CDC5L: variants seen among roughly 807,000 people sequenced by gnomAD.
CDC5L encodes the protein cell division cycle 5 like, also known as cell division cycle 5-like protein.
In CDC5L, 18 loss-of-function variants were observed where a neutral mutation model predicts 104.1. The ratio of observed to expected loss-of-function variants is 0.17; its 90% CI spans 0.12 to 0.26. The LOEUF is 0.26. CDC5L is among the 10% of genes least tolerant of loss of function. The probability of loss-of-function intolerance (pLI) is 1.00; values close to 1 mark genes in which losing one functional copy is unlikely to be tolerated. For synonymous variants in CDC5L, 331 were observed against 322.7 expected, an observed-to-expected ratio of 1.03 and a Z score of -0.28; for missense variants, 673 against 956.9, an observed-to-expected ratio of 0.70 and a Z score of 3.91.
intron 14 of CDC5L, 136 bp downstream of exon 14, chr6:44,430,046 C>T (rs954949999): frequency 9.3e-6 from 6 of 643,824 alleles, no homozygotes; most frequent in Non-Finnish European, 1.6e-5. Context: ...GAAAACTACA[C>T]TTAAGTGTTG....
chr6:44,448,360 C>T lies in CDC5L; in HGVS notation c.*1649C>T, dbSNP rs1793527983. The stretch of plus-strand genomic sequence containing the variant: ...ATATGATAAGAATCGATGAGAAGAT[C>T]TAAGCAAAGGAATGACATGATCAGA... On this transcript the variant is annotated 3_prime_UTR_variant, in exon 16 of 16. Transcript: ENST00000371477. The T allele has an allele frequency of 6.6e-6, 1 of 152,162 alleles. No individual in the cohort carries two copies. Among genetic ancestry groups the T allele is most frequent in the African/African-American group, 2.4e-5 (1 of 41,440 alleles). The allele number at this position is 152,162 out of a possible 1,614,324, so 9.4% of individuals were successfully genotyped here. A position where few individuals can be genotyped will look rare whatever the true frequency, so the allele number is the denominator to read the frequency against.
chr6:44,398,179 G>A (rs931190281), intron 5 of CDC5L, among the ~76,000 whole-genome samples: 3 of 152,116 alleles, frequency 2.0e-5, no homozygotes, highest in Admixed American at 6.5e-5. Flanking sequence ...TTAGCTGCCG[G>A]GGACAGTAAA....
At chr6:44,405,056 A>C (rs147889503) in intron 6 of CDC5L, among the ~76,000 whole-genome samples, 1 of 152,298 alleles carries the variant, frequency 6.6e-6, no homozygotes, top group East Asian at 1.9e-4. Flanking sequence ...TAAAAGAAAA[A>C]ACTTACTGAT....
At chr6:44,420,530 G>A (rs957076876) in intron 9 of CDC5L, among the ~76,000 whole-genome samples, 1 of 151,788 alleles carries the variant, frequency 6.6e-6, no homozygotes, top group African/African-American at 2.4e-5. Flanking sequence ...GGCTAATTTT[G>A]TATTTTTAGT....
intron 14 of CDC5L, among the ~76,000 whole-genome samples, chr6:44,440,069 G>T (rs1793110260): frequency 6.6e-6 from 1 of 152,070 alleles, no homozygotes; most frequent in Non-Finnish European, 1.5e-5. Flanking sequence ...TGAATTTATT[G>T]TTCAAGTAAA....
rs1445784961 is a variant in CDC5L at position 44,408,638 on chromosome 6, G to A, written c.1092+6G>A. ...CCCAGGACAGAATTCTGCAGGTAAC[G>A]TGTCACGTAGTAGAATGAGGCTTTT... On this transcript the variant is annotated splice_donor_region_variant and intron_variant, in intron 8 of 15. Coordinates refer to ENST00000371477, the MANE Select transcript of CDC5L (RefSeq NM_001253.4). The A allele has an allele frequency of 1.3e-6, 2 of 1,577,982 alleles. No homozygotes were observed. The highest frequency in any genetic ancestry group is 1.7e-6 in the Non-Finnish European group (2 of 1,155,190).
At chr6:44,414,380 G>A in intron 8 of CDC5L, among the ~76,000 whole-genome samples, 1 of 128,496 alleles carries the variant, frequency 7.8e-6, no homozygotes, top group African/African-American at 3.0e-5. Context: ...GCCTGGCCTG[G>A]CCTGTGTGTG....
intron 14 of CDC5L, among the ~76,000 whole-genome samples, chr6:44,439,996 A>C (rs989736189): frequency 7.2e-5 from 11 of 152,144 alleles, no homozygotes; most frequent in Admixed American, 4.6e-4. Context: ...ACATATAATC[A>C]TTGCCATGGA....
chr6:44,394,066 T>A (rs560315884), intron 4 of CDC5L, among the ~76,000 whole-genome samples: 1 of 152,294 alleles, frequency 6.6e-6, no homozygotes, highest in East Asian at 1.9e-4. Flanking sequence ...CGCCCCTTCA[T>A]CTTCTGTTTC....
At chr6:44,402,142 T>C (rs1474098708) in intron 5 of CDC5L, among the ~76,000 whole-genome samples, 8 of 144,548 alleles carry the variant, frequency 5.5e-5, no homozygotes, top group African/African-American at 2.1e-4. Context: ...TATAGCAGCA[T>C]GATTTATAGT....
chr6:44,446,340 G>A (rs965579648), intron 15 of CDC5L, among the ~76,000 whole-genome samples: 2 of 152,316 alleles, frequency 1.3e-5, no homozygotes, highest in East Asian at 1.9e-4. Context: ...GGCAGTCAGG[G>A]CTTCTTGAAG....
At chr6:44,408,308 C>G (rs1204259467) in intron 7 of CDC5L, 136 bp from the exon 8 acceptor site, 1 of 474,236 alleles carries the variant, frequency 2.1e-6, no homozygotes, top group African/African-American at 2.0e-5. Flanking sequence ...TGCTGTGTTG[C>G]CCAGGTAGGT....
At chr6:44,417,386 T>C (rs1791956200) in intron 8 of CDC5L, among the ~76,000 whole-genome samples, 1 of 152,108 alleles carries the variant, frequency 6.6e-6, no homozygotes, top group African/African-American at 2.4e-5. Context: ...GTGAGTGCGG[T>C]GGGAAGCTGC....
intron 14 of CDC5L, among the ~76,000 whole-genome samples, chr6:44,439,790 A>T (rs930338914): frequency 4.6e-5 from 7 of 152,160 alleles, no homozygotes; most frequent in African/African-American, 1.4e-4. Context: ...TATGTCTATG[A>T]TCTTATTTAA....
At chr6:44,403,330 TA>T (rs76723196) in intron 5 of CDC5L, among the ~76,000 whole-genome samples, 8,080 of 142,164 alleles carry the variant, frequency 0.057, 366 homozygotes, top group Admixed American at 0.17. Flanking sequence ...TTGAGTGCAT[TA>T]AAAAAAAAAA....
rs774182250 is a variant in CDC5L at position 44,406,485 on chromosome 6, A to G, written c.903+18A>G. On this transcript the variant is annotated intron_variant, in intron 7 of 15. Coordinates refer to ENST00000371477, the MANE Select transcript of CDC5L (RefSeq NM_001253.4). ...CCCCTCAGGTAATCTGATAAAAGCA[A>G]ATTTTTCACTATGTGAATTTATATG... The G allele has an allele frequency of 1.9e-6, 3 of 1,592,422 alleles. No individual in the cohort carries two copies. The highest frequency in any genetic ancestry group is 2.2e-5 in the East Asian group (1 of 44,750).
chr6:44,418,005 A>G (rs1791981147), intron 8 of CDC5L, among the ~76,000 whole-genome samples: 1 of 152,186 alleles, frequency 6.6e-6, no homozygotes, highest in Non-Finnish European at 1.5e-5. Flanking sequence ...AAATTTTATT[A>G]TTATTATACT....
At chr6:44,419,308 G>A (rs1792054419) in intron 8 of CDC5L, 141 bp from the exon 9 acceptor site, 2 of 679,314 alleles carry the variant, frequency 2.9e-6, no homozygotes, top group South Asian at 3.9e-5. Context: ...GCCATGACTG[G>A]TATTCATTTT....
chr6:44,401,816 C>T (rs1430989637), intron 5 of CDC5L, among the ~76,000 whole-genome samples: 5 of 151,122 alleles, frequency 3.3e-5, no homozygotes, highest in Non-Finnish European at 3.0e-5. Context: ...CCCCCCACCC[C>T]ACAACAGTCC....
Sources: allele counts gnomAD v4.1 joint callset (sites outside exome capture counted in the v4.1 genomes callset), GRCh38; gene constraint gnomAD v4.1.1; transcripts MANE v1.5; gene names NCBI Gene and HGNC (gene_info 2026-07-23, HGNC 2026-07-21).